Variants in MSRA observed in about 807,000 individuals in gnomAD.
The protein encoded by MSRA is methionine sulfoxide reductase A, also known as mitochondrial peptide methionine sulfoxide reductase.
In MSRA, 54 loss-of-function variants were observed where a neutral mutation model predicts 31.3. That is an observed-to-expected ratio of 1.73 (90% confidence interval 1.39 to 2.17). The LOEUF (loss-of-function observed/expected upper bound fraction) is 2.17, where lower values mean the gene tolerates loss of function less well. Among genes scored for constraint, MSRA ranks in the 30% most tolerant of loss-of-function variants. The pLI is 0.00. For synonymous variants in MSRA, 169 were observed against 116.5 expected (o/e 1.45, Z -2.90); for missense variants, 507 against 300.9 (o/e 1.69, Z -5.07).
chr8:10,367,731 C>T (rs1013098100), intron 5 of MSRA, among the ~76,000 whole-genome samples: 6 of 152,218 alleles, frequency 3.9e-5, no homozygotes, highest in African/African-American at 7.2e-5. Context: ...CTGTCTCCGG[C>T]GCTGGCTGGA....
Position 10,332,466 on chromosome 8 carries a change from G to A in MSRA, c.543+12477G>A, listed in dbSNP as rs537692388. Among the ~76,000 whole-genome samples, 7 of 128,360 alleles carry A rather than the reference G, an allele frequency of 5.5e-5. No homozygotes were observed. The South Asian group carries it at 1.5e-3, about 27-fold the overall frequency. 84.2% of individuals were successfully genotyped at this position (128,360 alleles called of 152,430 possible). ...AAAAGAAAAATCCCCCCTCCCCACC[G>A]TATGCCTAGCAATAGGGATAAAATT... On this transcript the variant is annotated intron_variant, in intron 5 of 5. Transcript: ENST00000317173.
chr8:10,214,342 T>C (rs1809790226), intron 2 of MSRA, among the ~76,000 whole-genome samples: 2 of 152,106 alleles, frequency 1.3e-5, no homozygotes, highest in South Asian at 4.2e-4. Flanking sequence ...CAATGTAAGA[T>C]GAACCAATCA....
At chr8:10,254,530 C>T (rs983137522) in intron 3 of MSRA, among the ~76,000 whole-genome samples, 3 of 152,282 alleles carry the variant, frequency 2.0e-5, no homozygotes, top group African/African-American at 7.2e-5. Context: ...CTTGCCATGA[C>T]CACTTTGTAA....
chr8:10,197,364 G>A (rs1808082971), intron 1 of MSRA, among the ~76,000 whole-genome samples: 1 of 152,174 alleles, frequency 6.6e-6, no homozygotes, highest in East Asian at 1.9e-4. Flanking sequence ...ATGATGGAGT[G>A]CTTGTGTTGG....
chr8:10,240,826 C>A (rs999144624), intron 2 of MSRA, among the ~76,000 whole-genome samples: 1 of 151,902 alleles, frequency 6.6e-6, no homozygotes, highest in African/African-American at 2.4e-5. Flanking sequence ...CCATTCAACA[C>A]CCCACCCCCC....
At chr8:10,151,141 G>C (rs1486791166) in intron 1 of MSRA, among the ~76,000 whole-genome samples, 2 of 151,674 alleles carry the variant, frequency 1.3e-5, no homozygotes, top group East Asian at 1.9e-4. Flanking sequence ...ATCAAGAAGG[G>C]CTTCCTGGGG....
rs151323009 is a variant in MSRA at position 10,357,956 on chromosome 8, C to G, written c.543+37967C>G. Among the ~76,000 whole-genome samples, 375 of 152,280 alleles carry G rather than the reference C, an allele frequency of 2.5e-3. 3 individuals carry two copies. The highest frequency in any genetic ancestry group is 8.7e-3 in the African/African-American group (361 of 41,554). On this transcript the variant is annotated intron_variant, in intron 5 of 5. Transcript: ENST00000317173. The stretch of plus-strand genomic sequence containing the variant: ...CTTTTTTTTGAAATGGAGTTTTACT[C>G]TTGTTGTCCAGGCTAGAGTGCAGTG...
intron 3 of MSRA, among the ~76,000 whole-genome samples, chr8:10,261,790 ATAC>A (rs1177791723): frequency 6.6e-6 from 1 of 152,180 alleles, no homozygotes; most frequent in Non-Finnish European, 1.5e-5. Flanking sequence ...CAATTGTATA[ATAC>A]GTGTATCTAC....
intron 4 of MSRA, among the ~76,000 whole-genome samples, chr8:10,312,843 G>T (rs987726538): frequency 7.9e-5 from 12 of 152,158 alleles, no homozygotes; most frequent in Non-Finnish European, 1.6e-4. Context: ...ATACAATTCA[G>T]TATTCATAAA....
At chr8:10,234,046 A>T (rs377705978) in intron 2 of MSRA, among the ~76,000 whole-genome samples, 18 of 152,282 alleles carry the variant, frequency 1.2e-4, no homozygotes, top group East Asian at 3.9e-4. Context: ...TGAAATGTAT[A>T]CCCAGCTAAA....
intron 1 of MSRA, among the ~76,000 whole-genome samples, chr8:10,111,252 T>C (rs369278296): frequency 6.6e-5 from 10 of 152,188 alleles, no homozygotes; most frequent in African/African-American, 2.2e-4. Flanking sequence ...AACAGGGTGC[T>C]GGATGACAAG....
chr8:10,211,881 T>G (rs542334719), intron 2 of MSRA, among the ~76,000 whole-genome samples: 13 of 152,274 alleles, frequency 8.5e-5, no homozygotes, highest in Admixed American at 3.9e-4. Flanking sequence ...GACCAGCTAC[T>G]CATTGCCTTA....
At chr8:10,411,649 T>G (rs1473564216) in intron 5 of MSRA, 1 of 152,220 alleles carries the variant, frequency 6.6e-6, no homozygotes, top group Non-Finnish European at 1.5e-5. Context: ...CAAGAGAAAG[T>G]CTCAAGGGAG....
intron 5 of MSRA, among the ~76,000 whole-genome samples, chr8:10,425,997 G>A (rs908014645): frequency 3.1e-4 from 47 of 152,130 alleles, no homozygotes; most frequent in African/African-American, 9.9e-4. Flanking sequence ...CCCCACAGAC[G>A]TCGTCCTTAT....
intron 3 of MSRA, among the ~76,000 whole-genome samples, chr8:10,255,253 C>T (rs1362847429): frequency 1.3e-5 from 2 of 152,330 alleles, no homozygotes; most frequent in Non-Finnish European, 2.9e-5. Flanking sequence ...CTGCACTTTG[C>T]ATGCTCATGG....
chr8:10,422,061 G>C (rs761181067), intron 5 of MSRA, among the ~76,000 whole-genome samples: 4 of 152,152 alleles, frequency 2.6e-5, no homozygotes, highest in African/African-American at 4.8e-5. Context: ...TGCGAGGATC[G>C]TTTGAGGCCA....
At chr8:10,354,712 C>G (rs1471990592) in intron 5 of MSRA, among the ~76,000 whole-genome samples, 2 of 144,810 alleles carry the variant, frequency 1.4e-5, no homozygotes, top group Admixed American at 1.4e-4. Flanking sequence ...TCATGAATAT[C>G]TTTTCATACC....
intron 1 of MSRA, among the ~76,000 whole-genome samples, chr8:10,060,695 T>A (rs928442169): frequency 6.6e-6 from 1 of 152,174 alleles, no homozygotes; most frequent in Non-Finnish European, 1.5e-5. Context: ...TTCTGCAACT[T>A]GCTTTTGTAA....
intron 5 of MSRA, among the ~76,000 whole-genome samples, chr8:10,393,966 C>T (rs1031621965): frequency 2.0e-5 from 3 of 152,166 alleles, no homozygotes; most frequent in African/African-American, 4.8e-5. Flanking sequence ...TCCCCCAGGC[C>T]TTGTGTGTTG....
Sources: allele counts gnomAD v4.1 joint callset (sites outside exome capture counted in the v4.1 genomes callset), GRCh38; gene constraint gnomAD v4.1.1; transcripts MANE v1.5; gene names NCBI Gene and HGNC (gene_info 2026-07-23, HGNC 2026-07-21).